The following MATCAP2 variants were observed in gnomAD, a reference collection of about 807,000 sequenced individuals.
MATCAP2 encodes the protein microtubule associated tyrosine carboxypeptidase 2, also known as putative tyrosine carboxypeptidase MATCAP2.
chr7:36,375,140 G>C, the MATCAP2 span, among the ~76,000 whole-genome samples: 1 of 152,178 alleles, frequency 6.6e-6, no homozygotes, highest in Non-Finnish European at 1.5e-5. Flanking sequence ...GGTTGAACTA[G>C]TTTATACTCC....
chr7:36,353,782 C>T, the MATCAP2 span, among the ~76,000 whole-genome samples: 1 of 151,986 alleles, frequency 6.6e-6, no homozygotes, highest in Non-Finnish European at 1.5e-5. Flanking sequence ...TACCCAGCCT[C>T]CTTGTTTATT....
the MATCAP2 span, among the ~76,000 whole-genome samples, chr7:36,372,332 AAAG>A: frequency 6.6e-6 from 1 of 152,250 alleles, no homozygotes; most frequent in African/African-American, 2.4e-5. Flanking sequence ...GAGGAAAAAA[AAAG>A]AAATCTAGGA....
chr7:36,333,972 C>T, the MATCAP2 span: 5 of 1,614,084 alleles, frequency 3.1e-6, no homozygotes, highest in Non-Finnish European at 4.2e-6. Context: ...AGACATTTGG[C>T]TGGCTTGATA....
chr7:36,347,910 TC>T, the MATCAP2 span, among the ~76,000 whole-genome samples: 2 of 152,216 alleles, frequency 1.3e-5, no homozygotes, highest in Non-Finnish European at 2.9e-5. Context: ...GCCAGTGTTT[TC>T]CAGACTTTCT....
chr7:36,385,147 A>G, the MATCAP2 span, among the ~76,000 whole-genome samples: 4 of 152,236 alleles, frequency 2.6e-5, no homozygotes, highest in Non-Finnish European at 2.9e-5. Flanking sequence ...ACAGATCTTT[A>G]TGTAAGTTTG....
the MATCAP2 span, among the ~76,000 whole-genome samples, chr7:36,337,452 T>C: frequency 6.6e-6 from 1 of 152,132 alleles, no homozygotes; most frequent in Non-Finnish European, 1.5e-5. Context: ...GAAAAAAAGC[T>C]ACAAAATTCA....
At chr7:36,372,549 A>G in the MATCAP2 span, among the ~76,000 whole-genome samples, 87 of 152,362 alleles carry the variant, frequency 5.7e-4, no homozygotes, top group African/African-American at 1.9e-3. Context: ...ATAGAACAGC[A>G]CAAAAACCCT....
chr7:36,357,076 A>G, the MATCAP2 span: 3 of 1,614,204 alleles, frequency 1.9e-6, no homozygotes, highest in Non-Finnish European at 2.5e-6. Context: ...TCTTCCCAGA[A>G]AAGTCATCTC....
At chr7:36,339,895 G>A in the MATCAP2 span, among the ~76,000 whole-genome samples, 2 of 152,198 alleles carry the variant, frequency 1.3e-5, no homozygotes, top group Non-Finnish European at 2.9e-5. Flanking sequence ...CTGAGGTGTA[G>A]TGGCACGATC....
the MATCAP2 span, among the ~76,000 whole-genome samples, chr7:36,376,704 C>T: frequency 1.3e-5 from 2 of 152,028 alleles, no homozygotes; most frequent in Admixed American, 6.5e-5. Context: ...TAAAGTCTCC[C>T]ATTATTATTG....
the MATCAP2 span, among the ~76,000 whole-genome samples, chr7:36,353,625 C>T: frequency 1.3e-5 from 2 of 151,800 alleles, no homozygotes; most frequent in African/African-American, 2.4e-5. Flanking sequence ...GGACTACAGG[C>T]GCCCACCACC....
At chr7:36,377,329 A>G in the MATCAP2 span, among the ~76,000 whole-genome samples, 14 of 152,072 alleles carry the variant, frequency 9.2e-5, no homozygotes, top group Non-Finnish European at 1.6e-4. Flanking sequence ...TTGTTTGTTT[A>G]TAAAGGATTT....
chr7:36,387,885 T>C, the MATCAP2 span, among the ~76,000 whole-genome samples: 1 of 152,120 alleles, frequency 6.6e-6, no homozygotes, highest in Non-Finnish European at 1.5e-5. Flanking sequence ...AAAACACGCA[T>C]ACACACACAG....
chr7:36,369,773 G>GTA, the MATCAP2 span, among the ~76,000 whole-genome samples: 62 of 151,458 alleles, frequency 4.1e-4, no homozygotes, highest in Middle Eastern at 3.4e-3. Context: ...ATATATGTGT[G>GTA]TATATATATA....
the MATCAP2 span, chr7:36,333,780 C>A: frequency 8.2e-7 from 1 of 1,219,216 alleles, no homozygotes; most frequent in African/African-American, 1.5e-5. Flanking sequence ...TTTTGTGATT[C>A]AGGGATTAGG....
chr7:36,369,032 T>G, the MATCAP2 span, among the ~76,000 whole-genome samples: 2 of 152,194 alleles, frequency 1.3e-5, no homozygotes, highest in African/African-American at 4.8e-5. Flanking sequence ...ATTTATTATA[T>G]ATTTTATTGA....
At chr7:36,379,855 G>C in the MATCAP2 span, among the ~76,000 whole-genome samples, 11 of 150,896 alleles carry the variant, frequency 7.3e-5, no homozygotes, top group South Asian at 2.1e-4. Flanking sequence ...CACAGAGAGA[G>C]AGAGAGAGAG....
the MATCAP2 span, among the ~76,000 whole-genome samples, chr7:36,343,409 AGGGTGGG>A: frequency 1.8e-4 from 1 of 5,504 alleles, no homozygotes. Context: ...GGGGAGGGGA[AGGGTGGG>A]GGGAGAGGAG....
At chr7:36,358,506 T>C in the MATCAP2 span, among the ~76,000 whole-genome samples, 1 of 152,186 alleles carries the variant, frequency 6.6e-6, no homozygotes, top group African/African-American at 2.4e-5. Context: ...TCTTGGCAAG[T>C]TAGAAAAACA....
Sources: allele counts gnomAD v4.1 joint callset (sites outside exome capture counted in the v4.1 genomes callset), GRCh38; gene constraint gnomAD v4.1.1; transcripts MANE v1.5; gene names NCBI Gene and HGNC (gene_info 2026-07-23, HGNC 2026-07-21).